KCNMA1: variants seen among roughly 807,000 people sequenced by gnomAD.
KCNMA1 encodes potassium calcium-activated channel subfamily M alpha 1, also known as Calcium-activated potassium channel subunit alpha-1.
Under a neutral mutation model 140.0 loss-of-function variants are expected in KCNMA1, and 29 were observed. That is an observed-to-expected ratio of 0.21 (90% CI 0.15 to 0.28). KCNMA1 has a LOEUF of 0.28. Ranked by LOEUF, KCNMA1 falls within the 10% of genes least tolerant of loss-of-function variation. KCNMA1 has a pLI of 1.00. For missense variants in KCNMA1, 880 were observed against 1,602.2 expected (o/e 0.55, Z 7.70); for synonymous variants, 612 against 611.9 (o/e 1.00, Z 0.00).
chr10:77,036,347 A>G (rs1359610335), intron 15 of KCNMA1, among the ~76,000 whole-genome samples: 10 of 152,114 alleles, frequency 6.6e-5, no homozygotes, highest in Non-Finnish European at 1.2e-4. Context: ...TCTCTTGGGA[A>G]ACAATCTCAA....
chr10:77,371,819 G>A (rs1307574821), intron 2 of KCNMA1, among the ~76,000 whole-genome samples: 1 of 152,114 alleles, frequency 6.6e-6, no homozygotes, highest in East Asian at 1.9e-4. Flanking sequence ...CTGCTTCTAG[G>A]CTCTGCTGGG....
chr10:77,250,473 A>G (rs2059456247), intron 3 of KCNMA1: 2 of 152,898 alleles, frequency 1.3e-5, no homozygotes, highest in Admixed American at 1.3e-4. Context: ...TGGCTGCAAC[A>G]TTGCAGTTCT....
intron 2 of KCNMA1, among the ~76,000 whole-genome samples, chr10:77,270,343 G>T (rs2064674657): frequency 6.6e-6 from 1 of 152,164 alleles, no homozygotes; most frequent in African/African-American, 2.4e-5. Context: ...AGTGGTGCAT[G>T]TTGGTCCCGG....
chr10:77,510,661 G>T (rs995039209), intron 1 of KCNMA1, among the ~76,000 whole-genome samples: 1 of 151,942 alleles, frequency 6.6e-6, no homozygotes, highest in African/African-American at 2.4e-5. Context: ...AGCTGGGCAT[G>T]GGGGCACACG....
intron 10 of KCNMA1, 31 bp from the exon 11 acceptor site, chr10:77,086,624 T>C (rs956635595): frequency 6.7e-7 from 1 of 1,502,958 alleles, no homozygotes; most frequent in Non-Finnish European, 9.3e-7. Flanking sequence ...TCGCTATTAA[T>C]TTAATGGACT....
At chr10:76,928,135 T>C (rs1005995469) in intron 23 of KCNMA1, among the ~76,000 whole-genome samples, 2 of 152,108 alleles carry the variant, frequency 1.3e-5, no homozygotes, top group Non-Finnish European at 2.9e-5. Flanking sequence ...TTTATCTTTA[T>C]TGCTCTTACT....
chr10:77,630,890 G>GA (rs1475959913), intron 1 of KCNMA1, among the ~76,000 whole-genome samples: 1 of 151,892 alleles, frequency 6.6e-6, no homozygotes, highest in East Asian at 1.9e-4. Context: ...AAGATCACTT[G>GA]AACCCAGGAG....
intron 1 of KCNMA1, among the ~76,000 whole-genome samples, chr10:77,533,457 C>G (rs549534869): frequency 1.4e-4 from 22 of 152,298 alleles, no homozygotes; most frequent in African/African-American, 4.8e-4. Flanking sequence ...AAACACAAGC[C>G]AAACAAGAGG....
chr10:76,968,128 T>C (rs932252324), intron 20 of KCNMA1, among the ~76,000 whole-genome samples: 1 of 152,120 alleles, frequency 6.6e-6, no homozygotes, highest in East Asian at 1.9e-4. Context: ...CTATTGCACA[T>C]AAAATGTAGC....
At chr10:77,408,815 G>GA (rs1465119252) in intron 1 of KCNMA1, among the ~76,000 whole-genome samples, 2 of 152,268 alleles carry the variant, frequency 1.3e-5, no homozygotes, top group East Asian at 3.9e-4. Context: ...CCTTGCACTG[G>GA]AGGCCACTCT....
rs373895788 is a variant in KCNMA1 at position 77,344,192 on chromosome 10, G to T, written c.540+59670C>A. Among the ~76,000 whole-genome samples the T allele has an allele frequency of 1.5e-4, 23 of 152,358 alleles. No individual in the cohort carries two copies. The East Asian group carries it at 4.4e-3, about 29-fold the overall frequency. On this transcript the variant is annotated intron_variant, in intron 2 of 27. Coordinates refer to ENST00000286628, the MANE Select transcript of KCNMA1 (RefSeq NM_001161352.2). Reference sequence around the variant, plus strand: ...ATAAGCCTAACTGCCTCGGCCACCAGCCCACAAGGGACACTAATGGAGACA... The same window carrying T: ...ATAAGCCTAACTGCCTCGGCCACCATCCCACAAGGGACACTAATGGAGACA...
At chr10:77,503,555 G>T (rs924709795) in intron 1 of KCNMA1, among the ~76,000 whole-genome samples, 7 of 152,178 alleles carry the variant, frequency 4.6e-5, no homozygotes, top group African/African-American at 1.7e-4. Context: ...AATTGAAGAG[G>T]CCATTAAATT....
chr10:77,107,520 C>A (rs893697176), intron 9 of KCNMA1, among the ~76,000 whole-genome samples: 4 of 152,184 alleles, frequency 2.6e-5, no homozygotes, highest in Non-Finnish European at 5.9e-5. Flanking sequence ...AGCCCCCTCT[C>A]CCCCATGGCA....
intron 23 of KCNMA1, among the ~76,000 whole-genome samples, chr10:76,943,516 C>T (rs1388658842): frequency 6.6e-6 from 1 of 152,210 alleles, no homozygotes; most frequent in Non-Finnish European, 1.5e-5. Flanking sequence ...GCAGTGAAGA[C>T]ACTGGCTCCC....
chr10:77,556,718 G>A (rs1267288242), intron 1 of KCNMA1, among the ~76,000 whole-genome samples: 1 of 152,088 alleles, frequency 6.6e-6, no homozygotes, highest in Non-Finnish European at 1.5e-5. Flanking sequence ...CCTGGGTCAT[G>A]AGCATCCCAA....
chr10:77,038,514 C>T (rs1171362193), intron 15 of KCNMA1, among the ~76,000 whole-genome samples: 4 of 152,194 alleles, frequency 2.6e-5, no homozygotes, highest in African/African-American at 9.6e-5. Context: ...ACAAAGACCC[C>T]GTTCATCTTA....
At chr10:77,443,036 C>T (rs565849842) in intron 1 of KCNMA1, among the ~76,000 whole-genome samples, 1 of 152,184 alleles carries the variant, frequency 6.6e-6, no homozygotes, top group Non-Finnish European at 1.5e-5. Context: ...TGTGTTTGCT[C>T]AGAGACAGGA....
intron 1 of KCNMA1, among the ~76,000 whole-genome samples, chr10:77,529,042 C>G (rs955767678): frequency 3.9e-5 from 6 of 152,050 alleles, no homozygotes; most frequent in Non-Finnish European, 8.8e-5. Context: ...TGGTTGTATA[C>G]TTAAAATCTC....
intron 16 of KCNMA1, among the ~76,000 whole-genome samples, chr10:77,024,104 T>C (rs1343758349): frequency 6.6e-6 from 1 of 152,154 alleles, no homozygotes; most frequent in Admixed American, 6.6e-5. Context: ...ATGCTGGATA[T>C]TTGGTTCTGG....
Sources: gnomAD v4.1 joint callset for allele counts (sites outside exome capture counted in the v4.1 genomes callset) on GRCh38, gnomAD v4.1.1 for gene constraint, MANE v1.5 for transcripts, NCBI Gene and HGNC (gene_info 2026-07-23, HGNC 2026-07-21) for gene names.